Variants in SGCZ observed in about 807,000 individuals in gnomAD.
SGCZ encodes sarcoglycan zeta.
In SGCZ, 40 loss-of-function variants were observed where a neutral mutation model predicts 41.3. That is an observed-to-expected ratio of 0.97 (90% confidence interval 0.75 to 1.26). SGCZ has a LOEUF of 1.26. Among genes scored for constraint, SGCZ ranks in the 50% most tolerant of loss-of-function variants. SGCZ has a pLI of 0.00. For synonymous variants in SGCZ, 206 were observed against 137.5 expected, an observed-to-expected ratio of 1.50 and a Z score of -3.49; for missense variants, 552 against 369.8, an observed-to-expected ratio of 1.49 and a Z score of -4.04.
chr8:14,164,034 T>G (rs1804131184), intron 5 of SGCZ, among the ~76,000 whole-genome samples: 1 of 152,166 alleles, frequency 6.6e-6, no homozygotes, highest in African/African-American at 2.4e-5. Flanking sequence ...TTTTTAAAAT[T>G]TTAATTTCAG....
chr8:14,137,433 A>G (rs1288538946), intron 5 of SGCZ, among the ~76,000 whole-genome samples: 1 of 152,224 alleles, frequency 6.6e-6, no homozygotes, highest in Non-Finnish European at 1.5e-5. Context: ...AAACCTTGAA[A>G]AAATGTTAGA....
At chr8:14,109,239 G>A (rs1270080570) in intron 5 of SGCZ, among the ~76,000 whole-genome samples, 1 of 152,128 alleles carries the variant, frequency 6.6e-6, no homozygotes, top group African/African-American at 2.4e-5. Flanking sequence ...ACTTTTCTCA[G>A]GAGGTTGAAG....
chr8:14,313,929 T>A lies in SGCZ; in HGVS notation c.336+10174A>T, dbSNP rs1372292174. 9.2e-5 allele frequency among the ~76,000 whole-genome samples: 14 copies of A among 151,488 alleles called. No homozygotes were observed. The South Asian group carries it at 2.7e-3, about 29-fold the overall frequency. ...ATCTCTCTGTGTGTGTGTGTGTGTG[T>A]GTGTGTGTGTGTGTGTGTGTGTGTG... On this transcript the variant is annotated intron_variant, in intron 3 of 7. Transcript: ENST00000382080.
At chr8:14,502,044 T>G (rs183996543) in intron 2 of SGCZ, among the ~76,000 whole-genome samples, 1 of 152,198 alleles carries the variant, frequency 6.6e-6, no homozygotes, top group Non-Finnish European at 1.5e-5. Context: ...AGAATGTCAA[T>G]TATTCTAATA....
At chr8:14,308,189 G>A (rs915150669) in intron 3 of SGCZ, among the ~76,000 whole-genome samples, 2 of 151,994 alleles carry the variant, frequency 1.3e-5, no homozygotes, top group African/African-American at 4.8e-5. Flanking sequence ...CATTACAAGA[G>A]GAGATTATAC....
At chr8:14,667,324 A>G (rs925437491) in intron 1 of SGCZ, among the ~76,000 whole-genome samples, 1 of 152,190 alleles carries the variant, frequency 6.6e-6, no homozygotes, top group Non-Finnish European at 1.5e-5. Flanking sequence ...GGATGAATAA[A>G]TTGAACTCAT....
intron 1 of SGCZ, among the ~76,000 whole-genome samples, chr8:14,837,387 G>A (rs1008866850): frequency 2.6e-5 from 4 of 152,190 alleles, no homozygotes; most frequent in Admixed American, 2.0e-4. Flanking sequence ...CCAAGGAATC[G>A]TATAATTAAA....
intron 3 of SGCZ, chr8:14,309,548 A>T: frequency 6.2e-7 from 1 of 1,610,550 alleles, no homozygotes; most frequent in Non-Finnish European, 8.5e-7. Context: ...AGAAGCTGTT[A>T]CACATACAGG....
At chr8:14,187,892 A>G (rs1177892312) in intron 4 of SGCZ, among the ~76,000 whole-genome samples, 3 of 152,208 alleles carry the variant, frequency 2.0e-5, no homozygotes, top group Non-Finnish European at 4.4e-5. Context: ...GATGCATCAT[A>G]ATAAAAATGA....
chr8:14,544,986 C>A (rs6991704), intron 2 of SGCZ, among the ~76,000 whole-genome samples: 1 of 152,206 alleles, frequency 6.6e-6, no homozygotes, highest in East Asian at 1.9e-4. Flanking sequence ...CCTTTTGAAA[C>A]CTTTAATAAA....
chr8:14,233,597 G>GAGAT (rs1806650205), intron 4 of SGCZ, among the ~76,000 whole-genome samples: 2 of 145,468 alleles, frequency 1.4e-5, no homozygotes, highest in East Asian at 2.0e-4. Flanking sequence ...ATAAAATATA[G>GAGAT]ATATATATAT....
At chr8:14,500,776 T>G (rs1802129232) in intron 2 of SGCZ, among the ~76,000 whole-genome samples, 1 of 152,066 alleles carries the variant, frequency 6.6e-6, no homozygotes, top group African/African-American at 2.4e-5. Flanking sequence ...TGTTAAAAAT[T>G]AACTAGACAG....
chr8:14,232,095 T>A lies in SGCZ; in HGVS notation c.424+5497A>T, dbSNP rs184571381. 4.5e-4 allele frequency among the ~76,000 whole-genome samples: 68 copies of A among 151,710 alleles called. 1 individual carries two copies. In the East Asian group the frequency reaches 9.3e-3, roughly 21 times the overall value. On this transcript the variant is annotated intron_variant, in intron 4 of 7. Transcript: ENST00000382080. ...TTTTCAAAATTATTTACTTTCAGAA[T>A]CCTAATGACCAATTTTCTAATCAAA...
At chr8:15,204,694 G>C (rs1801005636) in intron 1 of SGCZ, among the ~76,000 whole-genome samples, 1 of 152,102 alleles carries the variant, frequency 6.6e-6, no homozygotes, top group African/African-American at 2.4e-5. Context: ...AGCCCTTCCA[G>C]ACTTATCTTT....
chr8:14,221,368 G>A (rs1446014573), intron 4 of SGCZ, among the ~76,000 whole-genome samples: 2 of 152,180 alleles, frequency 1.3e-5, no homozygotes, highest in African/African-American at 4.8e-5. Flanking sequence ...ATTATTGGTT[G>A]ACACCTATAA....
At chr8:15,113,609 C>A (rs1375800904) in intron 1 of SGCZ, among the ~76,000 whole-genome samples, 1 of 152,200 alleles carries the variant, frequency 6.6e-6, no homozygotes, top group Non-Finnish European at 1.5e-5. Flanking sequence ...GCATGAACTA[C>A]CATCGTGAGG....
chr8:14,318,448 C>T (rs936131524), intron 3 of SGCZ, among the ~76,000 whole-genome samples: 1 of 151,758 alleles, frequency 6.6e-6, no homozygotes, highest in African/African-American at 2.4e-5. Context: ...TTTCATAGCA[C>T]CACAGACCAT....
chr8:15,109,747 T>C (rs1806974604), intron 1 of SGCZ, among the ~76,000 whole-genome samples: 1 of 152,198 alleles, frequency 6.6e-6, no homozygotes, highest in South Asian at 2.1e-4. Flanking sequence ...ACACTAAGGC[T>C]ACATAGTTTT....
intron 4 of SGCZ, among the ~76,000 whole-genome samples, chr8:14,188,661 T>C (rs1804984387): frequency 6.6e-6 from 1 of 152,148 alleles, no homozygotes; most frequent in Non-Finnish European, 1.5e-5. Context: ...ACCACTGCAT[T>C]GTACATTTAA....
Sources: gnomAD v4.1 joint callset for allele counts (sites outside exome capture counted in the v4.1 genomes callset) on GRCh38, gnomAD v4.1.1 for gene constraint, MANE v1.5 for transcripts, NCBI Gene and HGNC (gene_info 2026-07-23, HGNC 2026-07-21) for gene names.